The following CFAP299 variants were observed in gnomAD, a reference collection of about 807,000 sequenced individuals.
The protein encoded by CFAP299 is cilia- and flagella-associated protein 299.
In CFAP299, 21 loss-of-function variants were observed where a neutral mutation model predicts 27.0. The ratio of observed to expected loss-of-function variants is 0.78; its 90% CI spans 0.55 to 1.12. CFAP299 has a LOEUF of 1.12. CFAP299 is among the 50% of genes most tolerant of loss of function. CFAP299 has a pLI of 0.00. For synonymous variants in CFAP299, 104 were observed against 98.1 expected, an observed-to-expected ratio of 1.06 and a Z score of -0.36; for missense variants, 310 against 276.6, an observed-to-expected ratio of 1.12 and a Z score of -0.86.
chr4:80,569,398 T>A (rs1018728886), intron 2 of CFAP299, among the ~76,000 whole-genome samples: 9 of 152,128 alleles, frequency 5.9e-5, no homozygotes, highest in African/African-American at 2.2e-4. Flanking sequence ...TAAAGTTGTT[T>A]AAAAATATTC....
At chr4:80,425,698 G>A (rs540102482) in intron 2 of CFAP299, among the ~76,000 whole-genome samples, 1 of 152,284 alleles carries the variant, frequency 6.6e-6, no homozygotes, top group East Asian at 1.9e-4. Context: ...AATAAAATTC[G>A]AGAGAGATAA....
intron 4 of CFAP299, among the ~76,000 whole-genome samples, chr4:80,909,734 A>G (rs972191638): frequency 1.3e-5 from 2 of 152,014 alleles, no homozygotes; most frequent in African/African-American, 4.8e-5. Flanking sequence ...AGGTATTTCA[A>G]TATTTCAAAA....
Position 80,785,877 on chromosome 4 carries a change from T to C in CFAP299, c.334-84116T>C, listed in dbSNP as rs546799755. ...TCATCAATTTAGGAAAGTGCCTTGC[T>C]TAAAACACAGTTAATGTAACTCAGT... is the stretch of plus-strand genomic sequence containing the variant. On this transcript the variant is annotated intron_variant, in intron 3 of 5. Transcript: ENST00000358105. 5.9e-5 allele frequency among the ~76,000 whole-genome samples: 9 copies of C among 152,286 alleles called. No individual in the cohort carries two copies. The East Asian group carries it at 1.3e-3, about 23-fold the overall frequency.
Position 80,872,896 on chromosome 4 carries a change from C to A in CFAP299, c.476+2761C>A, listed in dbSNP as rs1339455136. 11 of 960,982 alleles carry A rather than the reference C, an allele frequency of 1.1e-5. No homozygotes were observed. In the African/African-American group the frequency reaches 1.6e-4, roughly 14 times the overall value. The allele number at this position is 960,982 out of a possible 1,614,324, so 59.5% of individuals were successfully genotyped here. A position where few individuals can be genotyped will look rare whatever the true frequency, so the allele number is the denominator to read the frequency against. On this transcript the variant is annotated intron_variant, in intron 4 of 5. Transcript: ENST00000358105. ...GCCTCTTATGTGTATTTCAAAATAT[C>A]ATCTCTCTGTGTGTAGTTCTTCTTC...
chr4:80,385,516 G>A (rs1362994058), intron 2 of CFAP299, among the ~76,000 whole-genome samples: 1 of 151,820 alleles, frequency 6.6e-6, no homozygotes, highest in African/African-American at 2.4e-5. Flanking sequence ...TGGATCCCCA[G>A]GACAACCCTG....
intron 2 of CFAP299, among the ~76,000 whole-genome samples, chr4:80,442,868 C>T (rs1728428009): frequency 6.6e-6 from 1 of 152,078 alleles, no homozygotes; most frequent in Non-Finnish European, 1.5e-5. Context: ...CACCACTGAT[C>T]CACAGAAACA....
intron 2 of CFAP299, chr4:80,387,257 C>A (rs1725065632): frequency 1.2e-6 from 2 of 1,605,174 alleles, no homozygotes; most frequent in Non-Finnish European, 1.7e-6. Context: ...GCCGGGGTAG[C>A]TCAGCTCCTC....
intron 3 of CFAP299, among the ~76,000 whole-genome samples, chr4:80,596,311 C>G (rs1159170814): frequency 6.6e-6 from 1 of 152,156 alleles, no homozygotes; most frequent in South Asian, 2.1e-4. Context: ...ATAGGCAGCT[C>G]ATTCCTTTGT....
chr4:80,747,181 T>G (rs1318250125), intron 3 of CFAP299, among the ~76,000 whole-genome samples: 2 of 152,098 alleles, frequency 1.3e-5, no homozygotes, highest in Non-Finnish European at 2.9e-5. Context: ...AATGTCATTA[T>G]GTGACACATG....
intron 2 of CFAP299, among the ~76,000 whole-genome samples, chr4:80,574,691 A>G (rs1735758297): frequency 6.6e-6 from 1 of 152,096 alleles, no homozygotes; most frequent in African/African-American, 2.4e-5. Flanking sequence ...TTTACTAAAT[A>G]ATTTCTCAGC....
chr4:80,327,488 T>C, the CFAP299 span, among the ~76,000 whole-genome samples: 1 of 151,712 alleles, frequency 6.6e-6, no homozygotes, highest in Non-Finnish European at 1.5e-5. Context: ...CACGATCTGA[T>C]ATGCATTTTT....
intron 1 of CFAP299, among the ~76,000 whole-genome samples, chr4:80,356,761 T>C (rs1019833762): frequency 6.6e-6 from 1 of 152,130 alleles, no homozygotes; most frequent in South Asian, 2.1e-4. Flanking sequence ...TTTCTAGATA[T>C]AAGATCATAT....
chr4:80,460,644 T>TA (rs751344397), intron 2 of CFAP299, among the ~76,000 whole-genome samples: 23 of 152,320 alleles, frequency 1.5e-4, no homozygotes, highest in Non-Finnish European at 2.9e-5. Flanking sequence ...TTCTGTTGTG[T>TA]TTAACCACTG....
At chr4:80,632,127 GT>G (rs1028655295) in intron 3 of CFAP299, among the ~76,000 whole-genome samples, 7 of 152,050 alleles carry the variant, frequency 4.6e-5, no homozygotes, top group African/African-American at 1.4e-4. Context: ...ATTTCTGTTG[GT>G]TATAAGTCAC....
intron 2 of CFAP299, among the ~76,000 whole-genome samples, chr4:80,512,711 G>T (rs561274902): frequency 1.3e-5 from 2 of 152,130 alleles, no homozygotes; most frequent in East Asian, 3.9e-4. Flanking sequence ...GGTGCAAAAA[G>T]CATCTTTGGA....
At chr4:80,617,990 A>G (rs147763164) in intron 3 of CFAP299, among the ~76,000 whole-genome samples, 28 of 152,276 alleles carry the variant, frequency 1.8e-4, no homozygotes, top group Non-Finnish European at 3.5e-4. Flanking sequence ...AACTTAAATT[A>G]AGAAGGAAAA....
intron 3 of CFAP299, among the ~76,000 whole-genome samples, chr4:80,737,986 C>A (rs1272369699): frequency 6.6e-6 from 1 of 151,992 alleles, no homozygotes; most frequent in Non-Finnish European, 1.5e-5. Context: ...TTTATTGACT[C>A]TTTAGTCATT....
At chr4:80,937,312 CT>C (rs70956081) in intron 4 of CFAP299, among the ~76,000 whole-genome samples, 852 of 68,638 alleles carry the variant, frequency 0.012, no homozygotes, top group African/African-American at 0.016. Context: ...TTTTTTCTTT[CT>C]TTTTTTTTTT....
intron 2 of CFAP299, among the ~76,000 whole-genome samples, chr4:80,441,620 A>G (rs1324702967): frequency 6.6e-6 from 1 of 152,218 alleles, no homozygotes; most frequent in Non-Finnish European, 1.5e-5. Context: ...TGTAAAGACC[A>G]TCAACACTAT....
Sources: gnomAD v4.1 joint callset for allele counts (sites outside exome capture counted in the v4.1 genomes callset) on GRCh38, gnomAD v4.1.1 for gene constraint, MANE v1.5 for transcripts, NCBI Gene and HGNC (gene_info 2026-07-23, HGNC 2026-07-21) for gene names.